NFATC1: variants seen among roughly 807,000 people sequenced by gnomAD.
NFATC1 encodes nuclear factor of activated T-cells, cytoplasmic 1.
A neutral mutation model predicts 76.0 loss-of-function variants in NFATC1; 22 were observed. The ratio of observed to expected loss-of-function variants is 0.29; its 90% confidence interval spans 0.21 to 0.41. The LOEUF is 0.41. Ranked by LOEUF, NFATC1 falls within the 10% of genes least tolerant of loss-of-function variation. The pLI is 1.00. For synonymous variants in NFATC1, 704 were observed against 613.1 expected (o/e 1.15, Z -2.19); for missense variants, 1,357 against 1,337.7 (o/e 1.01, Z -0.23).
At chr18:79,434,841 C>T (rs1052749850) in intron 3 of NFATC1, among the ~76,000 whole-genome samples, 1 of 152,266 alleles carries the variant, frequency 6.6e-6, no homozygotes, top group Admixed American at 6.5e-5. Context: ...GAGGCGTTTT[C>T]GCCAGCACTT....
chr18:79,400,181 T>G, intron 1 of NFATC1: 3 of 1,100,490 alleles, frequency 2.7e-6, no homozygotes, highest in East Asian at 5.2e-5. Context: ...TAAAAACTCG[T>G]GTCCGGGGAG....
chr18:79,404,506 C>T (rs1321028259), intron 1 of NFATC1, among the ~76,000 whole-genome samples: 1 of 152,244 alleles, frequency 6.6e-6, no homozygotes, highest in Non-Finnish European at 1.5e-5. Flanking sequence ...ATTTCCAATA[C>T]ATTCACAGTT....
chr18:79,505,244 G>GCT (rs1389541830), intron 9 of NFATC1, among the ~76,000 whole-genome samples: 2 of 26,004 alleles, frequency 7.7e-5, no homozygotes, highest in Admixed American at 2.1e-4. Context: ...AGGAGGTGGT[G>GCT]GATGAGACCC....
intron 3 of NFATC1, among the ~76,000 whole-genome samples, chr18:79,443,770 C>T (rs902109466): frequency 1.3e-4 from 20 of 152,332 alleles, no homozygotes; most frequent in Admixed American, 2.0e-4. Flanking sequence ...GCGGGTGTCC[C>T]GGCACCTCCA....
Position 79,411,169 on chromosome 18 carries a change from C to G in NFATC1, c.894C>G (p.Asp298Glu). ...CCCCGCGGGTCAGCGTGACCGACGA[C>G]TCGTGGTTGGGCAACACCACCCAGT... is the stretch of plus-strand genomic sequence containing the variant. The part of the protein sequence containing the change: ...HGSPRVSVTD[D>E]SWLGNTTQYT... The change falls in exon 2 of 10, where the codon GAC (aspartate) becomes GAG (glutamate). Residue 298 changes from aspartate to glutamate, a missense_variant. Around this residue, in one of 3 missense-constraint regions of NFATC1, gnomAD observed 691 missense variants for 613.1 expected, o/e 1.13. Transcript: ENST00000427363. 1 of 1,612,230 alleles carries G rather than the reference C, an allele frequency of 6.2e-7. No homozygotes were observed. Among genetic ancestry groups the G allele is most frequent in the Non-Finnish European group, 8.5e-7 (1 of 1,179,872 alleles).
intron 2 of NFATC1, chr18:79,422,341 A>G (rs745884814): frequency 6.6e-5 from 10 of 152,298 alleles, no homozygotes; most frequent in Non-Finnish European, 1.0e-4. Context: ...CCTGTGAGTA[A>G]TAATGACAGA....
At position 79,410,229 on chromosome 18, in the gene NFATC1, C is replaced by A; in HGVS notation, c.128-174C>A. ...GTTGGCCAGGTGGGACTGGGGCTGT[C>A]ACTCCAAGTCGCCCGGAGCTGTCCG... On this transcript the variant is annotated intron_variant, in intron 1 of 9. Transcript: ENST00000427363. This position sits in a 1 kb window ranked among gnomAD's most constrained non-coding sequence, Gnocchi z 6.7. 1 of 1,047,508 alleles carries A rather than the reference C, an allele frequency of 9.5e-7. No individual in the cohort carries two copies. Among genetic ancestry groups the A allele is most frequent in the Non-Finnish European group, 1.4e-6 (1 of 707,664 alleles). The allele number at this position is 1,047,508 out of a possible 1,614,324, so 64.9% of individuals were successfully genotyped here. A position where few individuals can be genotyped will look rare whatever the true frequency, so the allele number is the denominator to read the frequency against.
chr18:79,451,698 G>T lies in NFATC1; in HGVS notation c.1785G>T (p.Leu595=). ...IECSQRSAQE[L]PLVEKQSTDS... ...CAGCCCAGCGCTCAGCTCAGGAGCT[G>T]CCTCTGGTGGAGAAGCAGAGCACGG... The change falls in exon 6 of 10, where the codon CTG becomes CTT. Residue 595 remains leucine (L), a synonymous_variant. Transcript: ENST00000427363. 2 of 1,611,878 alleles carry T rather than the reference G, an allele frequency of 1.2e-6. No individual in the cohort carries two copies. The highest frequency in any genetic ancestry group is 1.7e-6 in the Non-Finnish European group (2 of 1,179,190).
intron 9 of NFATC1, among the ~76,000 whole-genome samples, chr18:79,491,654 CT>C (rs1466740949): frequency 6.6e-6 from 1 of 152,238 alleles, no homozygotes; most frequent in African/African-American, 2.4e-5. Context: ...GCCTCCCCGG[CT>C]TCCCTTCTGC....
chr18:79,436,039 T>C (rs1415874165), intron 3 of NFATC1, among the ~76,000 whole-genome samples: 1 of 152,222 alleles, frequency 6.6e-6, no homozygotes, highest in Non-Finnish European at 1.5e-5. Flanking sequence ...AGTTTTCTCT[T>C]TCAGTTGGTG....
intron 8 of NFATC1, among the ~76,000 whole-genome samples, chr18:79,479,483 T>A (rs1258391705): frequency 6.6e-6 from 1 of 152,258 alleles, no homozygotes; most frequent in Admixed American, 6.5e-5. Flanking sequence ...GCATCCATCT[T>A]CTCTGAAACC....
At chr18:79,468,961 G>A (rs1319001578) in intron 8 of NFATC1, 2 of 150,124 alleles carry the variant, frequency 1.3e-5, no homozygotes, top group African/African-American at 2.5e-5. Flanking sequence ...AGGGCCTCAC[G>A]CTCTGGGACC....
At chr18:79,470,452 C>T (rs1346075106) in intron 8 of NFATC1, 1 of 152,218 alleles carries the variant, frequency 6.6e-6, no homozygotes, top group African/African-American at 2.4e-5. Flanking sequence ...AACAGTGAAC[C>T]CACTTACACT....
intron 9 of NFATC1, among the ~76,000 whole-genome samples, chr18:79,492,901 CTTTTTTTTTT>C (rs10605674): frequency 1.5e-4 from 13 of 87,238 alleles, no homozygotes; most frequent in African/African-American, 5.7e-4. Flanking sequence ...ATGAATCCAG[CTTTTTTTTTT>C]TTTTTTTTTT....
At position 79,412,082 on chromosome 18, in the gene NFATC1, A is replaced by G. The variant is rs527640762; in HGVS notation, c.1226+581A>G. On this transcript the variant is annotated intron_variant, in intron 2 of 9. Coordinates refer to ENST00000427363, the MANE Select transcript of NFATC1 (RefSeq NM_001278669.2). ...CAGCACGGCCTCCTGCTCCCCAGAG[A>G]CGCCGGCTGTGGCATCAGGCTGGGG... 3.3e-5 allele frequency among the ~76,000 whole-genome samples: 5 copies of G among 152,292 alleles called. No individual in the cohort carries two copies. In the South Asian group the frequency reaches 1.0e-3, roughly 32 times the overall value.
chr18:79,434,166 G>C (rs2144670771), intron 3 of NFATC1, among the ~76,000 whole-genome samples: 1 of 152,346 alleles, frequency 6.6e-6, no homozygotes, highest in East Asian at 1.9e-4. Context: ...TTGGGTGCTG[G>C]GGGGCACCAG....
chr18:79,434,175 A>C (rs2086692818), intron 3 of NFATC1, among the ~76,000 whole-genome samples: 2 of 152,230 alleles, frequency 1.3e-5, no homozygotes, highest in South Asian at 4.1e-4. Flanking sequence ...GGGGGGCACC[A>C]GGGCTCAAGG....
chr18:79,436,801 C>G (rs1036391686), intron 3 of NFATC1, among the ~76,000 whole-genome samples: 19 of 152,090 alleles, frequency 1.2e-4, no homozygotes, highest in Admixed American at 4.6e-4. Context: ...GGGGCTTCTC[C>G]CATTTAGGGC....
At chr18:79,488,730 C>A (rs924892273) in intron 9 of NFATC1, among the ~76,000 whole-genome samples, 2 of 152,214 alleles carry the variant, frequency 1.3e-5, no homozygotes, top group Non-Finnish European at 2.9e-5. Flanking sequence ...AGTCCCTCAC[C>A]CCTGCTTTGT....
Sources: gnomAD v4.1 joint callset for allele counts (sites outside exome capture counted in the v4.1 genomes callset) on GRCh38, gnomAD v4.1.1 for gene constraint, gnomAD v4.1.1 regional missense constraint, Gnocchi (gnomAD v3.1) non-coding constraint, MANE v1.5 for transcripts, NCBI Gene and HGNC (gene_info 2026-07-23, HGNC 2026-07-21) for gene names.